The following BCL11A variants were observed in gnomAD, a reference collection of about 807,000 sequenced individuals.
The protein encoded by BCL11A is BCL11 transcription factor A.
A neutral mutation model predicts 55.9 loss-of-function variants in BCL11A; 2 were observed. The ratio of observed to expected loss-of-function variants is 0.04; its 90% CI spans 0.01 to 0.11. The LOEUF is 0.11. BCL11A is among the 10% of genes least tolerant of loss of function. BCL11A has a pLI of 1.00. For missense variants in BCL11A, 817 were observed against 1,137.1 expected (o/e 0.72, Z 4.05); for synonymous variants, 465 against 473.4 (o/e 0.98, Z 0.23).
Position 60,553,278 on chromosome 2 carries a change from T to C in BCL11A, c.-8A>G. ...TTGCTTGCGGCGAGACATGGTGGGCTGCGGGGCGGGCGGCGGCGGCGGCGG... is the reference window on the plus strand; with the variant it reads ...TTGCTTGCGGCGAGACATGGTGGGCCGCGGGGCGGGCGGCGGCGGCGGCGG... On this transcript the variant is annotated 5_prime_UTR_variant, in exon 1 of 4. Transcript: ENST00000642384. The C allele has an allele frequency of 3.2e-6, 5 of 1,573,272 alleles. No homozygotes were observed. Among genetic ancestry groups the C allele is most frequent in the East Asian group, 2.3e-5 (1 of 43,306 alleles).
At position 60,457,687 on chromosome 2, in the gene BCL11A, CT is replaced by C. The variant is rs538939714; in HGVS notation, c.*2716del. On this transcript the variant is annotated 3_prime_UTR_variant, in exon 4 of 4. Transcript: ENST00000642384. ...AAACATTGGTTTTTTTTTTTTTTTCCTTTTTTTTTCTTTCTTTCTTTTACTG... is the reference window on the plus strand; with the variant it reads ...AAACATTGGTTTTTTTTTTTTTTTCCTTTTTTTTCTTTCTTTCTTTTACTG... The C allele has an allele frequency of 1.1e-5, 11 of 972,568 alleles. No individual in the cohort carries two copies. The East Asian group carries it at 3.4e-4, about 30-fold the overall frequency. 60.2% of individuals were successfully genotyped at this position (972,568 alleles called of 1,614,324 possible).
intron 2 of BCL11A, chr2:60,527,085 C>G (rs1300879613): frequency 1.3e-5 from 2 of 152,168 alleles, no homozygotes; most frequent in Non-Finnish European, 2.9e-5. Context: ...GTAGCTTTGC[C>G]ACATCCAGGC....
At chr2:60,487,879 G>C (rs1159025398) in intron 2 of BCL11A, among the ~76,000 whole-genome samples, 5 of 152,226 alleles carry the variant, frequency 3.3e-5, no homozygotes, top group East Asian at 1.9e-4. Context: ...AACATGGACA[G>C]CTGGCACAAA....
At chr2:60,477,396 T>TTC (rs1677670781) in intron 2 of BCL11A, among the ~76,000 whole-genome samples, 1 of 152,194 alleles carries the variant, frequency 6.6e-6, no homozygotes, top group Non-Finnish European at 1.5e-5. Flanking sequence ...GCCTCTATAT[T>TTC]ATCATTTCGA....
downstream of BCL11A, chr2:60,452,589 C>A (rs939006533): frequency 5.0e-6 from 8 of 1,613,686 alleles, no homozygotes; most frequent in Admixed American, 1.7e-5. Context: ...AACTTAAGGG[C>A]TCTCGAGCTT....
chr2:60,553,045 G>A (rs1464190348), intron 1 of BCL11A, among the ~76,000 whole-genome samples, 171 bp downstream of exon 1: 1 of 151,696 alleles, frequency 6.6e-6, no homozygotes, highest in Non-Finnish European at 1.5e-5. Context: ...GTTCCAGATG[G>A]GATGAGGGTT....
At chr2:60,553,018 G>A (rs1367264306) in intron 1 of BCL11A, among the ~76,000 whole-genome samples, 198 bp downstream of exon 1, 2 of 151,804 alleles carry the variant, frequency 1.3e-5, no homozygotes, top group Admixed American at 1.3e-4. Flanking sequence ...TGTCTCAAAA[G>A]TGCATACACG....
intron 1 of BCL11A, among the ~76,000 whole-genome samples, chr2:60,547,907 T>A (rs747182084): frequency 2.0e-5 from 3 of 152,224 alleles, no homozygotes; most frequent in Non-Finnish European, 2.9e-5. Context: ...CCTCCTAATT[T>A]AACATAAGGT....
At chr2:60,514,446 CA>C in intron 2 of BCL11A, among the ~76,000 whole-genome samples, 1 of 147,964 alleles carries the variant, frequency 6.8e-6, no homozygotes, top group Non-Finnish European at 1.5e-5. Flanking sequence ...CACCTGAGGT[CA>C]GGAGTTCAAG....
chr2:60,451,780 T>C (rs924908524), exon 5 of BCL11A: 3 of 230,254 alleles, frequency 1.3e-5, no homozygotes, highest in African/African-American at 6.6e-5. Context: ...AAATCCTGCA[T>C]GGTAGCCACC....
At position 60,461,661 on chromosome 2, in the gene BCL11A, G is replaced by T; in HGVS notation, c.1251C>A (p.Ala417=). The T allele has an allele frequency of 6.2e-7, 1 of 1,613,986 alleles. No homozygotes were observed. Among genetic ancestry groups the T allele is most frequent in the Non-Finnish European group, 8.5e-7 (1 of 1,180,038 alleles). The change falls in exon 4 of 4, where the codon GCC becomes GCA. Residue 417 remains alanine (A), a synonymous_variant. Transcript: ENST00000642384. Reference sequence around the variant, plus strand: ...TCTTCATGTGGCGCTTCAGCTTGCTGGCCTGGGTGCACGCGTGGTCGCACA... The same window carrying T: ...TCTTCATGTGGCGCTTCAGCTTGCTTGCCTGGGTGCACGCGTGGTCGCACA... The part of the protein sequence containing the change: ...CNLCDHACTQ[A]SKLKRHMKTH...
intron 2 of BCL11A, among the ~76,000 whole-genome samples, chr2:60,490,447 T>C (rs1678560634): frequency 6.6e-6 from 1 of 152,240 alleles, no homozygotes; most frequent in Non-Finnish European, 1.5e-5. Flanking sequence ...GAAAATATTC[T>C]GCCCAAGTAA....
rs1187882640 is a variant in BCL11A, at chr2:60,459,596, A to G, written c.*808T>C. 1 of 1,028,894 alleles carries G rather than the reference A, an allele frequency of 9.7e-7. No individual in the cohort carries two copies. Among genetic ancestry groups the G allele is most frequent in the African/African-American group, 1.7e-5 (1 of 59,022 alleles). The allele number at this position is 1,028,894 out of a possible 1,614,324, so 63.7% of individuals were successfully genotyped here. ...AATTATATGCTAGTTCCTAAGGTTT[A>G]TTACCTCACCCAATGCTGAATTAAG... On this transcript the variant is annotated 3_prime_UTR_variant, in exon 4 of 4. Transcript: ENST00000642384.
intron 2 of BCL11A, chr2:60,524,630 A>G (rs1245207908): frequency 6.6e-6 from 1 of 152,142 alleles, no homozygotes; most frequent in African/African-American, 2.4e-5. Context: ...ATTTAAATAA[A>G]TTACCTTTTT....
At position 60,546,206 on chromosome 2, in the gene BCL11A, C is replaced by A; in HGVS notation, c.150G>T (p.Gln50His). Residue 50 changes from glutamine (Q) to histidine (H), a missense_variant, in exon 2 of 4, where the codon CAG becomes CAT. Physicochemically the swap from Gln to His is conservative, Grantham distance 24. Around this residue, in one of 4 missense-constraint regions of BCL11A, gnomAD observed 363 missense variants for 486.6 expected, o/e 0.75. Coordinates refer to ENST00000642384, the MANE Select transcript of BCL11A (RefSeq NM_022893.4). This position sits in a 1 kb window ranked among gnomAD's most constrained non-coding sequence, Gnocchi z 4.1. The stretch of plus-strand genomic sequence containing the variant: ...CCCCCAATGGGAAGTTCATCTGGCA[C>A]TGCCCACAGGTGAGGAGGTCATGAT... ...EGDHDLLTCG[Q>H]CQMNFPLGDI... The A allele has an allele frequency of 6.2e-7, 1 of 1,614,238 alleles. No homozygotes were observed. The highest frequency in any genetic ancestry group is 1.1e-5 in the South Asian group (1 of 91,084).
chr2:60,455,918 T>A (rs536792247), downstream of BCL11A, among the ~76,000 whole-genome samples: 1 of 152,074 alleles, frequency 6.6e-6, no homozygotes, highest in African/African-American at 2.4e-5. Context: ...ACACATACAG[T>A]ATATCTTTTC....
chr2:60,480,284 A>C (rs1052987245), intron 2 of BCL11A, among the ~76,000 whole-genome samples: 1 of 152,228 alleles, frequency 6.6e-6, no homozygotes, highest in Non-Finnish European at 1.5e-5. Context: ...GTCTCCCTGT[A>C]ATCAGCATGT....
At chr2:60,490,913 C>G (rs369310985) in intron 2 of BCL11A, among the ~76,000 whole-genome samples, 22 of 152,100 alleles carry the variant, frequency 1.4e-4, no homozygotes, top group African/African-American at 5.3e-4. Flanking sequence ...AAACATTTCC[C>G]TTCTGATATC....
At chr2:60,466,460 T>C (rs1272035859) in intron 3 of BCL11A, among the ~76,000 whole-genome samples, 2 of 152,078 alleles carry the variant, frequency 1.3e-5, no homozygotes, top group Non-Finnish European at 2.9e-5. Flanking sequence ...CTGCAATCTG[T>C]GACCTAACCC....
Sources: gnomAD v4.1 joint callset for allele counts (sites outside exome capture counted in the v4.1 genomes callset) on GRCh38, gnomAD v4.1.1 for gene constraint, gnomAD v4.1.1 regional missense constraint, Gnocchi (gnomAD v3.1) non-coding constraint, MANE v1.5 for transcripts, NCBI Gene and HGNC (gene_info 2026-07-23, HGNC 2026-07-21) for gene names.